Variants in ZFP3 observed in about 807,000 individuals in gnomAD.
The protein encoded by ZFP3 is ZFP3 zinc finger protein, also known as zinc finger protein 3 homolog.
A neutral mutation model predicts 36.7 loss-of-function variants in ZFP3; 18 were observed. That is an observed-to-expected ratio of 0.49 (90% CI 0.34 to 0.73). The LOEUF (loss-of-function observed/expected upper bound fraction) is 0.73, where lower values mean the gene tolerates loss of function less well. Ranked by LOEUF, ZFP3 falls within the 30% of genes least tolerant of loss-of-function variation. The pLI, the probability that ZFP3 is intolerant of heterozygous loss-of-function variation, is 0.01. For synonymous variants in ZFP3, 218 were observed against 199.0 expected, an observed-to-expected ratio of 1.10 and a Z score of -0.81; for missense variants, 495 against 599.0, an observed-to-expected ratio of 0.83 and a Z score of 1.81.
Position 5,091,610 on chromosome 17 carries a change from C to A in ZFP3, c.106C>A (p.His36Asn). 1 of 1,614,138 alleles carries A rather than the reference C, an allele frequency of 6.2e-7. No individual in the cohort carries two copies. Among genetic ancestry groups the A allele is most frequent in the South Asian group, 1.1e-5 (1 of 91,076 alleles). Residue 36 changes from histidine (H) to asparagine (N), a missense_variant, in exon 2 of 2, where the codon CAT becomes AAT. Transcript: ENST00000318833. ...ATTTCCAAAAGTGGTTTACCAAGGT[C>A]ATGAGTTTGGAGCAGGATGTGAAGA... ...EKFPKVVYQG[H>N]EFGAGCEEDM... is the part of the protein sequence containing the mutation.
intron 1 of ZFP3, among the ~76,000 whole-genome samples, chr17:5,081,093 C>CTT (rs71367880): frequency 0.038 from 5,317 of 141,494 alleles, 133 homozygotes; most frequent in Middle Eastern, 0.069. Context: ...TGTTTCTGTT[C>CTT]TTTTTTTTTT....
chr17:5,085,320 T>C (rs1427646547), intron 1 of ZFP3, among the ~76,000 whole-genome samples: 1 of 151,948 alleles, frequency 6.6e-6, no homozygotes, highest in Non-Finnish European at 1.5e-5. Flanking sequence ...GTGCTGGGAT[T>C]ACAGGCATGA....
Position 5,092,370 on chromosome 17 carries a change from C to T in ZFP3, c.866C>T (p.Ala289Val). The stretch of plus-strand genomic sequence containing the variant: ...CATGAATGCAATGAGTGTGGCAAAG[C>T]CTTCAAGCATAGCTCAGGCCTTATT... ...RYHECNECGK[A>V]FKHSSGLIRH... The change falls in exon 2 of 2, where the codon GCC (alanine) becomes GTC (valine). Residue 289 changes from alanine (A) to valine (V), a missense_variant. This residue lies in a region of ZFP3 where 103 missense variants were observed against 186.8 expected (regional missense o/e 0.55). Coordinates refer to ENST00000318833, the MANE Select transcript of ZFP3 (RefSeq NM_153018.3). The surrounding 1 kb of genome is among the most constrained non-coding windows in gnomAD (Gnocchi z 5.0). The T allele has an allele frequency of 1.2e-6, 2 of 1,614,142 alleles. No homozygotes were observed. The highest frequency in any genetic ancestry group is 1.7e-6 in the Non-Finnish European group (2 of 1,180,016).
At chr17:5,088,739 C>T (rs371008596) in intron 1 of ZFP3, among the ~76,000 whole-genome samples, 6 of 152,280 alleles carry the variant, frequency 3.9e-5, no homozygotes, top group Admixed American at 1.3e-4. Context: ...TGAGCCACCA[C>T]GCCCGGCCAG....
chr17:5,087,478 C>T (rs1487311012), intron 1 of ZFP3, among the ~76,000 whole-genome samples: 1 of 152,162 alleles, frequency 6.6e-6, no homozygotes, highest in African/African-American at 2.4e-5. Flanking sequence ...ATCTTCTTGG[C>T]TCATTCTCTT....
chr17:5,080,270 C>A (rs2143516685), intron 1 of ZFP3, among the ~76,000 whole-genome samples: 1 of 152,256 alleles, frequency 6.6e-6, no homozygotes, highest in African/African-American at 2.4e-5. Context: ...AATATTGACC[C>A]AGATGAAGGT....
rs780419105 is a variant in ZFP3 at position 5,091,968 on chromosome 17, A to G, written c.464A>G (p.His155Arg). Residue 155 changes from histidine (H) to arginine (R), a missense_variant, in exon 2 of 2, where the codon CAT becomes CGT. This residue lies in a region of ZFP3 where 229 missense variants were observed against 233.8 expected (regional missense o/e 0.98). Coordinates refer to ENST00000318833, the MANE Select transcript of ZFP3 (RefSeq NM_153018.3). ...GGGAAAGCCTTTAATCAGAACTCAC[A>G]TCTCATCCAGCATATGAGAGTTCAT... ...ECGKAFNQNS[H>R]LIQHMRVHSG... The G allele has an allele frequency of 1.2e-6, 2 of 1,614,152 alleles. No homozygotes were observed. The highest frequency in any genetic ancestry group is 2.7e-5 in the African/African-American group (2 of 75,052).
rs2072153383 is a variant in ZFP3, at chr17:5,092,104, T to C, written c.600T>C (p.Asn200=). 6.2e-7 allele frequency: 1 copy of C among 1,614,108 alleles called. No homozygotes were observed. The highest frequency in any genetic ancestry group is 1.3e-5 in the African/African-American group (1 of 74,928). ...IHAGEKPFAC[N]ECGKAFIQSS... is the part of the protein sequence containing the mutation. ...CTGGAGAAAAACCCTTTGCTTGTAA[T>C]GAATGTGGAAAGGCCTTCATTCAGA... The change falls in exon 2 of 2, where the codon AAT becomes AAC. Residue 200 remains asparagine, a synonymous_variant. Transcript: ENST00000318833. The surrounding 1 kb of genome is among the most constrained non-coding windows in gnomAD (Gnocchi z 5.0).
At chr17:5,082,403 G>A (rs745487687) in intron 1 of ZFP3, among the ~76,000 whole-genome samples, 2 of 152,082 alleles carry the variant, frequency 1.3e-5, no homozygotes, top group Non-Finnish European at 2.9e-5. Flanking sequence ...ATCTCCTTAA[G>A]GTTACCATGG....
chr17:5,078,845 C>T lies in ZFP3; in HGVS notation c.-9+270C>T, dbSNP rs1319490929. ...GGGGGTGGGAGAAGCAGGGACACTC[C>T]CTTCTGTACCGAGGTGGGGACCCGT... On this transcript the variant is annotated intron_variant, in intron 1 of 1. Transcript: ENST00000318833. This position sits in a 1 kb window ranked among gnomAD's most constrained non-coding sequence, Gnocchi z 4.5. Among the ~76,000 whole-genome samples the T allele has an allele frequency of 6.6e-6, 1 of 152,172 alleles. No individual in the cohort carries two copies. Among genetic ancestry groups the T allele is most frequent in the Non-Finnish European group, 1.5e-5 (1 of 68,026 alleles).
intron 1 of ZFP3, among the ~76,000 whole-genome samples, chr17:5,081,893 G>A (rs1476009220): frequency 1.4e-5 from 2 of 140,532 alleles, no homozygotes; most frequent in Non-Finnish European, 1.6e-5. Context: ...GAGCCACCAC[G>A]CCTGGCCCTT....
rs74782944 is a variant in ZFP3 at position 5,090,184 on chromosome 17, G to A, written c.-8-1313G>A. 3.3e-5 allele frequency among the ~76,000 whole-genome samples: 5 copies of A among 152,264 alleles called. No homozygotes were observed. In the East Asian group the frequency reaches 9.6e-4, roughly 29 times the overall value. On this transcript the variant is annotated intron_variant, in intron 1 of 1. Transcript: ENST00000318833. The stretch of plus-strand genomic sequence containing the variant: ...TACAAATTTATACTAAAGTTTACTT[G>A]GGAAGATATGAGAATAGACAGGAAA...
At chr17:5,081,978 G>A (rs1398757683) in intron 1 of ZFP3, among the ~76,000 whole-genome samples, 18 of 150,092 alleles carry the variant, frequency 1.2e-4, no homozygotes, top group African/African-American at 3.7e-4. Context: ...TTTGGAGGCC[G>A]AGGTGGGTGG....
rs151145028 is a variant in ZFP3, at chr17:5,095,617, A to G, written c.*2604A>G. Reference sequence around the variant, plus strand: ...GAAGATAGTGTGTAAGCAAAGGAGAAGAGTTCACATTGTGCATCCTATTAG... The same window carrying G: ...GAAGATAGTGTGTAAGCAAAGGAGAGGAGTTCACATTGTGCATCCTATTAG... On this transcript the variant is annotated 3_prime_UTR_variant, in exon 2 of 2. Coordinates refer to ENST00000318833, the MANE Select transcript of ZFP3 (RefSeq NM_153018.3). 198 of 167,080 alleles carry G rather than the reference A, an allele frequency of 1.2e-3. No individual in the cohort carries two copies. The highest frequency in any genetic ancestry group is 4.3e-3 in the African/African-American group (179 of 41,540). The allele number at this position is 167,080 out of a possible 1,614,324, so 10.3% of individuals were successfully genotyped here. A position where few individuals can be genotyped will look rare whatever the true frequency, so the allele number is the denominator to read the frequency against.
rs111925423 is a variant in ZFP3, at chr17:5,092,152, T to C, written c.648T>C (p.His216=). The C allele has an allele frequency of 1.1e-5, 18 of 1,614,018 alleles. No individual in the cohort carries two copies. In the African/African-American group the frequency reaches 1.9e-4, roughly 17 times the overall value. The change falls in exon 2 of 2, where the codon CAT becomes CAC. Residue 216 remains histidine (H), a synonymous_variant. Transcript: ENST00000318833. This position sits in a 1 kb window ranked among gnomAD's most constrained non-coding sequence, Gnocchi z 5.0. ...AGAGTTCACACCTTATTCACCATCA[T>C]AGAATTCATACTGGAGAGAGACCCT... ...FIQSSHLIHH[H]RIHTGERPYK...
intron 1 of ZFP3, among the ~76,000 whole-genome samples, chr17:5,082,103 T>G (rs952667515): frequency 6.6e-6 from 1 of 151,318 alleles, no homozygotes; most frequent in African/African-American, 2.4e-5. Context: ...ATCCCAGCAC[T>G]TTGGGAGGCC....
Position 5,095,145 on chromosome 17 carries a change from TCACAG to T in ZFP3, c.*2134_*2138del, listed in dbSNP as rs1289310910. On this transcript the variant is annotated 3_prime_UTR_variant, in exon 2 of 2. Transcript: ENST00000318833. ...ATCATGTCCTTGGTAACAGAACTGA[TCACAG>T]CCAAAAAAAATTCACCAAATGGGTT... 1 of 167,118 alleles carries T rather than the reference TCACAG, an allele frequency of 6.0e-6. No individual in the cohort carries two copies. Among genetic ancestry groups the T allele is most frequent in the Non-Finnish European group, 1.5e-5 (1 of 68,110 alleles). The allele number at this position is 167,118 out of a possible 1,614,324, so 10.4% of individuals were successfully genotyped here.
At chr17:5,087,486 CT>C (rs1262634967) in intron 1 of ZFP3, among the ~76,000 whole-genome samples, 1 of 152,172 alleles carries the variant, frequency 6.6e-6, no homozygotes, top group African/African-American at 2.4e-5. Context: ...GGCTCATTCT[CT>C]TCCTCTACTC....
In ZFP3 at chr17:5,093,410, CCT is replaced by C. The variant is rs1382144768; in HGVS notation, c.*400_*401del. The C allele has an allele frequency of 1.1e-5, 2 of 178,970 alleles. No homozygotes were observed. The highest frequency in any genetic ancestry group is 2.6e-5 in the Non-Finnish European group (2 of 75,966). 11.1% of individuals were successfully genotyped at this position (178,970 alleles called of 1,614,324 possible). ...AAAGCTCTTTCAGGCCTTAATTTCC[CCT>C]CTGTCCTTCCTTCCCCTTCTCCTCC... is the stretch of plus-strand genomic sequence containing the variant. On this transcript the variant is annotated 3_prime_UTR_variant, in exon 2 of 2. Transcript: ENST00000318833.
Sources: allele counts gnomAD v4.1 joint callset (sites outside exome capture counted in the v4.1 genomes callset), GRCh38; gene constraint gnomAD v4.1.1; regional missense constraint gnomAD v4.1.1; non-coding constraint Gnocchi (gnomAD v3.1); transcripts MANE v1.5; gene names NCBI Gene and HGNC (gene_info 2026-07-23, HGNC 2026-07-21).